CTCF: variants seen among roughly 807,000 people sequenced by gnomAD.
CTCF encodes the protein CCCTC-binding factor, also known as transcriptional repressor CTCF.
A neutral mutation model predicts 72.3 loss-of-function variants in CTCF; 7 were observed. That is an observed-to-expected ratio of 0.10 (90% CI 0.06 to 0.18). The LOEUF (loss-of-function observed/expected upper bound fraction) is 0.18, where lower values mean the gene tolerates loss of function less well. CTCF is among the 10% of genes least tolerant of loss of function. The pLI, the probability that CTCF is intolerant of heterozygous loss-of-function variation, is 1.00. For missense variants in CTCF, 516 were observed against 949.1 expected (o/e 0.54, Z 6.00); for synonymous variants, 374 against 315.8 (o/e 1.18, Z -1.95).
At chr16:67,602,134 G>A (rs2051900563) in intron 2 of CTCF, among the ~76,000 whole-genome samples, 1 of 152,080 alleles carries the variant, frequency 6.6e-6, no homozygotes, top group Admixed American at 6.6e-5. Flanking sequence ...AAAGTGCTGG[G>A]ATTACAGGCG....
rs752457645 is a variant in CTCF at position 67,638,277 on chromosome 16, G to C, written c.*405G>C. On this transcript the variant is annotated 3_prime_UTR_variant, in exon 12 of 12. Coordinates refer to ENST00000264010, the MANE Select transcript of CTCF (RefSeq NM_006565.4). ...TAAATGCATACTTGGGAAGGACTTA[G>C]AGTTTTAAACTGTTTTTTGCTTTTG... 4 of 240,888 alleles carry C rather than the reference G, an allele frequency of 1.7e-5. No homozygotes were observed. Among genetic ancestry groups the C allele is most frequent in the Non-Finnish European group, 3.2e-5 (4 of 123,408 alleles). 14.9% of individuals were successfully genotyped at this position (240,888 alleles called of 1,614,324 possible). A position where few individuals can be genotyped will look rare whatever the true frequency, so the allele number is the denominator to read the frequency against.
At chr16:67,606,496 A>T (rs2051974894) in intron 2 of CTCF, among the ~76,000 whole-genome samples, 1 of 152,198 alleles carries the variant, frequency 6.6e-6, no homozygotes. Flanking sequence ...AAATGCTGGG[A>T]TTACAGGCGT....
chr16:67,573,661 G>A (rs1277070065), intron 2 of CTCF, among the ~76,000 whole-genome samples: 1 of 152,118 alleles, frequency 6.6e-6, no homozygotes, highest in African/African-American at 2.4e-5. Context: ...CTTTGTCCTT[G>A]TAGTATTTGT....
intron 2 of CTCF, among the ~76,000 whole-genome samples, chr16:67,577,307 C>T (rs2051510480): frequency 7.2e-6 from 1 of 139,596 alleles, no homozygotes; most frequent in South Asian, 2.3e-4. Context: ...GTCCCAGCTA[C>T]TTGAGGAGGT....
chr16:67,605,266 C>G (rs1451789926), intron 2 of CTCF, among the ~76,000 whole-genome samples: 1 of 152,208 alleles, frequency 6.6e-6, no homozygotes, highest in Non-Finnish European at 1.5e-5. Context: ...AGCCACCACG[C>G]TTGGCCTAAA....
intron 2 of CTCF, among the ~76,000 whole-genome samples, chr16:67,608,767 G>A (rs969225613): frequency 1.1e-4 from 16 of 150,170 alleles, no homozygotes; most frequent in Admixed American, 6.6e-4. Context: ...ACGGAGTTTC[G>A]TTCTTGTTGC....
intron 1 of CTCF, among the ~76,000 whole-genome samples, chr16:67,564,220 G>A (rs997465541): frequency 6.6e-6 from 1 of 152,206 alleles, no homozygotes; most frequent in East Asian, 1.9e-4. Context: ...CCGTTGAATT[G>A]CGGGAGTCTT....
intron 2 of CTCF, among the ~76,000 whole-genome samples, chr16:67,587,119 T>TTC: frequency 6.7e-6 from 1 of 149,686 alleles, no homozygotes; most frequent in Non-Finnish European, 1.5e-5. Context: ...TTTTTTTTTT[T>TTC]TTTTGGAGAC....
chr16:67,634,070 T>C (rs2052398620), intron 10 of CTCF, among the ~76,000 whole-genome samples: 1 of 152,226 alleles, frequency 6.6e-6, no homozygotes, highest in Non-Finnish European at 1.5e-5. Flanking sequence ...AATACCTGTT[T>C]ATTATATTAA....
intron 2 of CTCF, among the ~76,000 whole-genome samples, chr16:67,582,772 A>AT (rs968548911): frequency 5.5e-4 from 83 of 150,022 alleles, no homozygotes; most frequent in African/African-American, 8.5e-4. Context: ...AGACTTTGAG[A>AT]TTTTTTTTTT....
intron 1 of CTCF, chr16:67,563,438 G>A (rs2051304695): frequency 6.6e-6 from 1 of 152,162 alleles, no homozygotes; most frequent in South Asian, 2.1e-4. Context: ...CAGAGCTGCC[G>A]AGAGCTCCCT....
chr16:67,584,214 C>T (rs919155956), intron 2 of CTCF, among the ~76,000 whole-genome samples: 14 of 151,074 alleles, frequency 9.3e-5, no homozygotes, highest in African/African-American at 3.2e-4. Flanking sequence ...CCCAGCTACT[C>T]GGGAGACTGA....
In CTCF at chr16:67,628,447, C is replaced by T. The variant is rs2052320010; in HGVS notation, c.1596C>T (p.Phe532=). 1 of 1,614,108 alleles carries T rather than the reference C, an allele frequency of 6.2e-7. No homozygotes were observed. Among genetic ancestry groups the T allele is most frequent in the African/African-American group, 1.3e-5 (1 of 74,936 alleles). The change falls in exon 9 of 12, where the codon TTC becomes TTT. Residue 532 remains phenylalanine, a synonymous_variant. Transcript: ENST00000264010. ...CCTGCAGCCACTGCGATAAGACCTT[C>T]CGCCAGAAGCAGCTTCTCGACATGC... ...PYACSHCDKT[F]RQKQLLDMHF... is the part of the protein sequence containing the mutation.
intron 7 of CTCF, among the ~76,000 whole-genome samples, chr16:67,622,636 TCTTA>T (rs2052216516): frequency 6.7e-6 from 1 of 149,576 alleles, no homozygotes; most frequent in African/African-American, 2.5e-5. Flanking sequence ...GGCAACCTAC[TCTTA>T]CTTTTTTTTT....
intron 5 of CTCF, among the ~76,000 whole-genome samples, chr16:67,619,257 G>A (rs1323263111): frequency 6.6e-6 from 1 of 152,106 alleles, no homozygotes; most frequent in African/African-American, 2.4e-5. Flanking sequence ...CCAACGTGGT[G>A]AAACCCCGTC....
chr16:67,574,882 C>A lies in CTCF; in HGVS notation c.-10+3618C>A, dbSNP rs138544946. Among the ~76,000 whole-genome samples the A allele has an allele frequency of 4.6e-3, 699 of 151,352 alleles. 4 individuals are homozygous for A. The highest frequency in any genetic ancestry group is 0.016 in the African/African-American group (640 of 41,194). ...CCTTGTCAGCCAGGATGGTCTTGAT[C>A]TCCTGACCTCTTGATCTGCCTGCCT... On this transcript the variant is annotated intron_variant, in intron 2 of 11. Coordinates refer to ENST00000264010, the MANE Select transcript of CTCF (RefSeq NM_006565.4).
intron 2 of CTCF, among the ~76,000 whole-genome samples, chr16:67,583,697 AAAC>A (rs2051621471): frequency 1.3e-5 from 2 of 152,052 alleles, no homozygotes; most frequent in African/African-American, 4.8e-5. Flanking sequence ...AAAAAAAAAA[AAAC>A]AAAAGAGCAT....
intron 2 of CTCF, among the ~76,000 whole-genome samples, chr16:67,579,625 C>G (rs1399223658): frequency 6.6e-6 from 1 of 152,140 alleles, no homozygotes; most frequent in Non-Finnish European, 1.5e-5. Flanking sequence ...TCCCAATTGC[C>G]CTGGCCTCCC....
intron 2 of CTCF, among the ~76,000 whole-genome samples, chr16:67,601,277 G>A (rs1159513627): frequency 6.9e-6 from 1 of 144,694 alleles, no homozygotes; most frequent in African/African-American, 2.6e-5. Context: ...TTTTAAGACA[G>A]AGTCTCACTC....
Sources: gnomAD v4.1 joint callset for allele counts (sites outside exome capture counted in the v4.1 genomes callset) on GRCh38, gnomAD v4.1.1 for gene constraint, MANE v1.5 for transcripts, NCBI Gene and HGNC (gene_info 2026-07-23, HGNC 2026-07-21) for gene names.